Variants in GSS observed in about 807,000 individuals in gnomAD.
GSS encodes the protein glutathione synthetase, also known as GSH synthetase.
GSS carries 34 observed loss-of-function variants against 60.4 expected under a neutral mutation model. That is an observed-to-expected ratio of 0.56 (90% CI 0.43 to 0.75). The LOEUF is 0.75. Ranked by LOEUF, GSS falls within the 30% of genes least tolerant of loss-of-function variation. The pLI is 0.00. For synonymous variants in GSS, 224 were observed against 239.0 expected (o/e 0.94, Z 0.58); for missense variants, 499 against 595.1 (o/e 0.84, Z 1.68).
intron 6 of GSS, among the ~76,000 whole-genome samples, chr20:34,937,835 T>C (rs1191954283): frequency 6.6e-6 from 1 of 152,150 alleles, no homozygotes; most frequent in Non-Finnish European, 1.5e-5. Flanking sequence ...AGTACCAAAC[T>C]GCATTTTTTT....
intron 4 of GSS, 95 bp downstream of exon 4, chr20:34,942,836 G>T: frequency 1.0e-6 from 1 of 981,446 alleles, no homozygotes; most frequent in Non-Finnish European, 1.6e-6. Flanking sequence ...ATTCCCATGA[G>T]CTGAGGGCCT....
chr20:34,952,254 G>C (rs1241843529), intron 1 of GSS: 2 of 300,716 alleles, frequency 6.7e-6, no homozygotes, highest in African/African-American at 4.3e-5. Flanking sequence ...AGATGTGACT[G>C]GGGCAAGTTC....
chr20:34,945,015 A>G (rs955264483), intron 3 of GSS, among the ~76,000 whole-genome samples: 3 of 151,648 alleles, frequency 2.0e-5, no homozygotes, highest in Middle Eastern at 3.4e-3. Flanking sequence ...ACATATATAT[A>G]TGTATTATTA....
intron 6 of GSS, among the ~76,000 whole-genome samples, chr20:34,940,188 C>T (rs1439806475): frequency 6.6e-6 from 1 of 152,152 alleles, no homozygotes; most frequent in East Asian, 1.9e-4. Flanking sequence ...ATGGGGGAAG[C>T]CAGTTCTGGC....
intron 4 of GSS, 31 bp downstream of exon 4, chr20:34,942,900 T>C (rs774804905): frequency 1.4e-6 from 2 of 1,463,944 alleles, no homozygotes; most frequent in Non-Finnish European, 1.9e-6. Context: ...AGGGACAGGT[T>C]ACAGACTGGA....
intron 1 of GSS, among the ~76,000 whole-genome samples, chr20:34,953,957 T>C (rs940699255): frequency 6.6e-6 from 1 of 152,128 alleles, no homozygotes; most frequent in Non-Finnish European, 1.5e-5. Context: ...GAAAAATCAG[T>C]GTGAAATTTA....
chr20:34,945,312 C>T (rs973380276), intron 3 of GSS, among the ~76,000 whole-genome samples: 5 of 151,218 alleles, frequency 3.3e-5, no homozygotes, highest in South Asian at 4.2e-4. Flanking sequence ...CCTGAGCCAC[C>T]GCGCCCAGCC....
chr20:34,937,077 G>A (rs745958238), intron 6 of GSS, 54 bp from the exon 7 acceptor site: 60 of 1,341,372 alleles, frequency 4.5e-5, no homozygotes, highest in Non-Finnish European at 6.1e-5. Flanking sequence ...TTCTTCTTTT[G>A]TTTCTCCCCT....
upstream of GSS, chr20:34,955,906 A>T (rs972418432): frequency 6.6e-6 from 1 of 152,338 alleles, no homozygotes; most frequent in Non-Finnish European, 1.5e-5. Flanking sequence ...GGGGCGGTCG[A>T]TGAGAGGGCG....
intron 11 of GSS, 22 bp downstream of exon 11, chr20:34,931,314 C>T (rs2081399106): frequency 6.3e-7 from 1 of 1,591,420 alleles, no homozygotes. Context: ...TTGAGGAGCC[C>T]TGCAAAGGGA....
chr20:34,928,980 T>C, intron 12 of GSS, 29 bp from the exon 13 acceptor site: 3 of 1,612,326 alleles, frequency 1.9e-6, no homozygotes, highest in Non-Finnish European at 2.5e-6. Flanking sequence ...GGGACACACA[T>C]CACCTGGACT....
chr20:34,940,234 AT>A (rs1232347329), intron 6 of GSS, among the ~76,000 whole-genome samples: 2 of 152,132 alleles, frequency 1.3e-5, no homozygotes, highest in Non-Finnish European at 2.9e-5. Context: ...CCAGTGCCTA[AT>A]TTTGGACACA....
chr20:34,946,145 C>G (rs746492134), intron 2 of GSS, 47 bp from the exon 3 acceptor site: 2 of 1,527,038 alleles, frequency 1.3e-6, no homozygotes, highest in Non-Finnish European at 1.8e-6. Flanking sequence ...CACCTGTGAA[C>G]GGGTTGTCTT....
chr20:34,938,632 G>A (rs778693849), intron 6 of GSS, among the ~76,000 whole-genome samples: 13 of 152,202 alleles, frequency 8.5e-5, no homozygotes, highest in African/African-American at 2.9e-4. Context: ...AAAAAGAGGC[G>A]GAGGAGGAAG....
chr20:34,953,930 C>A (rs1228206741), intron 1 of GSS, among the ~76,000 whole-genome samples: 1 of 152,050 alleles, frequency 6.6e-6, no homozygotes, highest in Non-Finnish European at 1.5e-5. Flanking sequence ...AGTAAGATTG[C>A]TGTGTGGATT....
chr20:34,951,268 T>C lies in GSS; in HGVS notation c.129+456A>G, dbSNP rs555826161. Among the ~76,000 whole-genome samples, 144 of 152,334 alleles carry C rather than the reference T, an allele frequency of 9.5e-4. 2 individuals are homozygous for C. The highest frequency in any genetic ancestry group is 6.8e-3 in the Middle Eastern group (2 of 294). On this transcript the variant is annotated intron_variant, in intron 2 of 12. Coordinates refer to ENST00000651619, the MANE Select transcript of GSS (RefSeq NM_000178.4). Reference sequence around the variant, plus strand: ...TAATATATATGATACAATTTGTTTTTTAAAAAAGACGTATTTCTATATATA... The same window carrying C: ...TAATATATATGATACAATTTGTTTTCTAAAAAAGACGTATTTCTATATATA...
At chr20:34,931,800 G>T (rs1002254129) in intron 10 of GSS, 139 bp downstream of exon 10, 7 of 755,516 alleles carry the variant, frequency 9.3e-6, no homozygotes, top group Admixed American at 6.3e-5. Context: ...GAGTTCTAGG[G>T]GTTCTCCAGA....
At chr20:34,931,509 G>T (rs1298441154) in intron 10 of GSS, 92 bp from the exon 11 acceptor site, 2 of 1,001,136 alleles carry the variant, frequency 2.0e-6, no homozygotes, top group Non-Finnish European at 3.1e-6. Flanking sequence ...AGCATCAGAG[G>T]AAGAGCAGGA....
intron 1 of GSS, among the ~76,000 whole-genome samples, chr20:34,953,566 T>C (rs1489914786): frequency 6.6e-6 from 1 of 150,986 alleles, no homozygotes; most frequent in Non-Finnish European, 1.5e-5. Flanking sequence ...CCTTCTTTCC[T>C]TCCTTCCTTC....
Sources: gnomAD v4.1 joint callset for allele counts (sites outside exome capture counted in the v4.1 genomes callset) on GRCh38, gnomAD v4.1.1 for gene constraint, MANE v1.5 for transcripts, NCBI Gene and HGNC (gene_info 2026-07-23, HGNC 2026-07-21) for gene names.